The following MFF variants were observed in gnomAD, a reference collection of about 807,000 sequenced individuals.
The protein encoded by MFF is mitochondrial fission factor.
MFF carries 12 observed loss-of-function variants against 36.9 expected under a neutral mutation model. That is an observed-to-expected ratio of 0.33 (90% CI 0.21 to 0.53). MFF has a LOEUF of 0.53. Ranked by LOEUF, MFF falls within the 20% of genes least tolerant of loss-of-function variation. The probability of loss-of-function intolerance (pLI) is 0.95; values close to 1 mark genes in which losing one functional copy is unlikely to be tolerated. For missense variants in MFF, 348 were observed against 366.6 expected (o/e 0.95, Z 0.42); for synonymous variants, 99 against 126.2 (o/e 0.78, Z 1.44).
At chr2:227,336,786 A>T (rs756562557) in intron 4 of MFF, among the ~76,000 whole-genome samples, 1 of 152,216 alleles carries the variant, frequency 6.6e-6, no homozygotes, top group Non-Finnish European at 1.5e-5. Context: ...AAGGCCCTAG[A>T]CCTGTAATTC....
At chr2:227,336,286 G>A (rs2074999402) in intron 4 of MFF, among the ~76,000 whole-genome samples, 1 of 152,222 alleles carries the variant, frequency 6.6e-6, no homozygotes, top group Admixed American at 6.5e-5. Flanking sequence ...AGCTTTGTGA[G>A]AAGGCCATTG....
rs1488890164 is a variant in MFF at position 227,325,398 on chromosome 2, C to T, written c.-182C>T. The T allele has an allele frequency of 6.4e-6, 1 of 155,252 alleles. No individual in the cohort carries two copies. The highest frequency in any genetic ancestry group is 1.4e-5 in the Non-Finnish European group (1 of 69,708). The allele number at this position is 155,252 out of a possible 1,614,324, so 9.6% of individuals were successfully genotyped here. A position where few individuals can be genotyped will look rare whatever the true frequency, so the allele number is the denominator to read the frequency against. ...GCCCCGGGAGCCAGAGGGCGGGGGTCCTCGCCGGGACCCTCCTGTGGGCCC... is the reference window on the plus strand; with the variant it reads ...GCCCCGGGAGCCAGAGGGCGGGGGTTCTCGCCGGGACCCTCCTGTGGGCCC... On this transcript the variant is annotated 5_prime_UTR_variant, in exon 1 of 9. Transcript: ENST00000304593.
At chr2:227,340,205 C>T (rs2075311671) in intron 4 of MFF, 87 bp from the exon 5 acceptor site, 4 of 1,068,054 alleles carry the variant, frequency 3.7e-6, no homozygotes, top group Non-Finnish European at 5.5e-6. Context: ...TTTTGAGTAG[C>T]CTTGTATCGA....
At position 227,340,349 on chromosome 2, in the gene MFF, C is replaced by G. The variant is rs772710187; in HGVS notation, c.409C>G (p.Gln137Glu). 1 of 1,613,838 alleles carries G rather than the reference C, an allele frequency of 6.2e-7. No homozygotes were observed. The change falls in exon 5 of 9, where the codon CAA (glutamine) becomes GAA (glutamate). Residue 137 changes from glutamine to glutamate, a missense_variant. Gln to Glu is a conservative substitution (Grantham distance 29, BLOSUM62 2). Transcript: ENST00000304593. The part of the protein sequence containing the change: ...ERSMSENAVR[Q>E]NGQLVRNDSL... ...GTCTATGAGTGAAAATGCTGTTCGC[C>G]AAAATGGACAGCTGGTCAGAAATGA...
intron 2 of MFF, chr2:227,329,931 AAAAC>A (rs1302523034): frequency 1.7e-5 from 9 of 518,832 alleles, no homozygotes; most frequent in African/African-American, 1.4e-4. Flanking sequence ...ATTAAAAAAA[AAAAC>A]ACATGTAAAT....
chr2:227,328,510 C>CT (rs1431514536), intron 1 of MFF, among the ~76,000 whole-genome samples, 168 bp from the exon 2 acceptor site: 1 of 152,122 alleles, frequency 6.6e-6, no homozygotes, highest in African/African-American at 2.4e-5. Flanking sequence ...ATCTGTGGAA[C>CT]TAAGATTGGT....
chr2:227,348,344 G>A (rs12613290), intron 6 of MFF, among the ~76,000 whole-genome samples: 2,994 of 152,152 alleles, frequency 0.02, 48 homozygotes, highest in Middle Eastern at 0.075. Context: ...ACCATACTTC[G>A]TAAGCACCTG....
At chr2:227,329,120 AATTTCC>A (rs1418757741) in intron 2 of MFF, 4 of 152,312 alleles carry the variant, frequency 2.6e-5, no homozygotes, top group African/African-American at 9.7e-5. Flanking sequence ...AATTTAGTGT[AATTTCC>A]ATTTGAAGTT....
At chr2:227,348,575 T>C (rs927690763) in intron 6 of MFF, among the ~76,000 whole-genome samples, 4 of 152,172 alleles carry the variant, frequency 2.6e-5, no homozygotes, top group Admixed American at 6.6e-5. Flanking sequence ...CTTTTATGCT[T>C]TTTGAAGCTT....
chr2:227,335,232 A>G (rs546775715), intron 4 of MFF, among the ~76,000 whole-genome samples: 1 of 151,620 alleles, frequency 6.6e-6, no homozygotes, highest in Admixed American at 6.6e-5. Flanking sequence ...GAAAACATGT[A>G]AAGTTTAAGA....
intron 2 of MFF, 28 bp from the exon 3 acceptor site, chr2:227,330,598 G>A (rs776666503): frequency 1.3e-6 from 2 of 1,525,620 alleles, no homozygotes; most frequent in Non-Finnish European, 1.8e-6. Flanking sequence ...TTAACAGTCA[G>A]CCCTGTCTTT....
At chr2:227,326,577 A>G (rs1244848124) in intron 1 of MFF, among the ~76,000 whole-genome samples, 2 of 152,192 alleles carry the variant, frequency 1.3e-5, no homozygotes, top group African/African-American at 4.8e-5. Context: ...TCAGAATTGC[A>G]AAGTTTAGTC....
rs540835235 is a variant in MFF, at chr2:227,357,169, A to T, written c.*52A>T. 1.6e-5 allele frequency: 25 copies of T among 1,577,932 alleles called. No homozygotes were observed. Among genetic ancestry groups the T allele is most frequent in the East Asian group, 1.1e-4 (5 of 44,508 alleles). ...GTCTCAACAGCTGGAAATATAAAAG[A>T]TTTGCAAACTTCTTTGTTTCTGTCT... On this transcript the variant is annotated 3_prime_UTR_variant, in exon 9 of 9. Coordinates refer to ENST00000304593, the MANE Select transcript of MFF (RefSeq NM_001277062.2).
intron 1 of MFF, among the ~76,000 whole-genome samples, chr2:227,326,028 C>T (rs1169241647): frequency 6.6e-6 from 1 of 152,066 alleles, no homozygotes; most frequent in Non-Finnish European, 1.5e-5. Flanking sequence ...GGTTTCCTTC[C>T]AGGAGCTGGG....
intron 2 of MFF, chr2:227,329,663 G>T: frequency 1.0e-6 from 1 of 994,000 alleles, no homozygotes. Context: ...CAAATGTGTA[G>T]GGGAATTGTT....
chr2:227,346,041 A>G (rs751980331), intron 5 of MFF, among the ~76,000 whole-genome samples: 2 of 152,020 alleles, frequency 1.3e-5, no homozygotes, highest in East Asian at 3.8e-4. Flanking sequence ...TGTGGAGGAG[A>G]TTTTGTTTTT....
At chr2:227,350,325 G>T (rs762110876) in intron 6 of MFF, among the ~76,000 whole-genome samples, 1 of 152,080 alleles carries the variant, frequency 6.6e-6, no homozygotes, top group Non-Finnish European at 1.5e-5. Context: ...TTAGAGCTAT[G>T]TATCTCATTT....
At chr2:227,351,792 T>G (rs1215656593) in intron 6 of MFF, 2 of 152,228 alleles carry the variant, frequency 1.3e-5, no homozygotes, top group Non-Finnish European at 2.9e-5. Flanking sequence ...CCACCAAGTT[T>G]CCCATTGCAC....
At position 227,357,415 on chromosome 2, in the gene MFF, A is replaced by G. The variant is rs546809820; in HGVS notation, c.*298A>G. On this transcript the variant is annotated 3_prime_UTR_variant, in exon 9 of 9. Transcript: ENST00000304593. ...TTAAAAGGAATTTATTTTTTGCCTC[A>G]TCAGTCCACCCAACTGATTCTGAAT... The G allele has an allele frequency of 6.0e-4, 133 of 222,582 alleles. No individual in the cohort carries two copies. Among genetic ancestry groups the G allele is most frequent in the Middle Eastern group, 1.4e-3 (1 of 692 alleles). 13.8% of individuals were successfully genotyped at this position (222,582 alleles called of 1,614,324 possible).
Sources: allele counts gnomAD v4.1 joint callset (sites outside exome capture counted in the v4.1 genomes callset), GRCh38; gene constraint gnomAD v4.1.1; transcripts MANE v1.5; gene names NCBI Gene and HGNC (gene_info 2026-07-23, HGNC 2026-07-21).